The following ARID3A variants were observed in gnomAD, a reference collection of about 807,000 sequenced individuals.
The protein encoded by ARID3A is AT-rich interactive domain-containing protein 3A.
ARID3A carries 11 observed loss-of-function variants against 52.7 expected under a neutral mutation model. The ratio of observed to expected loss-of-function variants is 0.21; its 90% confidence interval spans 0.13 to 0.35. The LOEUF (loss-of-function observed/expected upper bound fraction) is 0.35, where lower values mean the gene tolerates loss of function less well. Ranked by LOEUF, ARID3A falls within the 10% of genes least tolerant of loss-of-function variation. The pLI, the probability that ARID3A is intolerant of heterozygous loss-of-function variation, is 1.00. For missense variants in ARID3A, 721 were observed against 838.5 expected (o/e 0.86, Z 1.73); for synonymous variants, 404 against 359.4 (o/e 1.12, Z -1.40).
chr19:951,254 G>T (rs968608449), intron 3 of ARID3A, among the ~76,000 whole-genome samples: 2 of 148,632 alleles, frequency 1.3e-5, no homozygotes, highest in Non-Finnish European at 3.0e-5. Flanking sequence ...ACCACACCCA[G>T]CCTTTTATAA....
intron 2 of ARID3A, among the ~76,000 whole-genome samples, chr19:931,824 A>C (rs1277385374): frequency 3.2e-5 from 4 of 123,566 alleles, no homozygotes; most frequent in East Asian, 3.8e-4. Context: ...AAAAAAAGAC[A>C]AAAAAAAAAA....
At chr19:956,287 T>C (rs1268976308) in intron 3 of ARID3A, among the ~76,000 whole-genome samples, 1 of 152,082 alleles carries the variant, frequency 6.6e-6, no homozygotes, top group East Asian at 1.9e-4. Context: ...CCTGCCCGGC[T>C]CACTTTTGCA....
At chr19:968,230 G>A (rs2038201890) in intron 7 of ARID3A, among the ~76,000 whole-genome samples, 175 bp from the exon 8 acceptor site, 1 of 151,382 alleles carries the variant, frequency 6.6e-6, no homozygotes, top group African/African-American at 2.4e-5. Context: ...CGTGGTGGCG[G>A]GCGCCTGTAG....
At position 960,261 on chromosome 19, in the gene ARID3A, C is replaced by T. The variant is rs1188252527; in HGVS notation, c.766+97C>T. The T allele has an allele frequency of 3.4e-6, 4 of 1,182,436 alleles. No homozygotes were observed. In the Admixed American group the frequency reaches 7.4e-5, roughly 22 times the overall value. The allele number at this position is 1,182,436 out of a possible 1,614,324, so 73.2% of individuals were successfully genotyped here. ...CCAGGTATGTCGGGGCGGTGGTGAG[C>T]ACCCCGTGGCTGGAGGCATCCAAGG... On this transcript the variant is annotated intron_variant, in intron 4 of 8. Transcript: ENST00000263620. This position sits in a 1 kb window ranked among gnomAD's most constrained non-coding sequence, Gnocchi z 4.3.
chr19:964,229 C>A lies in ARID3A; in HGVS notation c.767-19C>A, dbSNP rs2038100684. 4 of 1,600,842 alleles carry A rather than the reference C, an allele frequency of 2.5e-6. No individual in the cohort carries two copies. Among genetic ancestry groups the A allele is most frequent in the Non-Finnish European group, 3.4e-6 (4 of 1,171,178 alleles). On this transcript the variant is annotated intron_variant, in intron 4 of 8. Transcript: ENST00000263620. The surrounding 1 kb of genome is among the most constrained non-coding windows in gnomAD (Gnocchi z 5.7). The stretch of plus-strand genomic sequence containing the variant: ...AGTGCCCAGGTGGCCCCCAACCTCC[C>A]TCTCGCCCCTTCCCCCAGGGACACC...
At chr19:935,603 G>A (rs914967829) in intron 3 of ARID3A, among the ~76,000 whole-genome samples, 1 of 152,122 alleles carries the variant, frequency 6.6e-6, no homozygotes, top group Non-Finnish European at 1.5e-5. Flanking sequence ...TCAGCCTCCT[G>A]AGTAGCTGCG....
chr19:930,370 G>A (rs2037294957), intron 2 of ARID3A, among the ~76,000 whole-genome samples: 1 of 150,030 alleles, frequency 6.7e-6, no homozygotes, highest in Admixed American at 6.7e-5. Context: ...CGGCCAACAT[G>A]GCGAAACCCC....
At chr19:926,930 C>A (rs1044121079) in intron 1 of ARID3A, among the ~76,000 whole-genome samples, 2 of 152,002 alleles carry the variant, frequency 1.3e-5, no homozygotes, top group Admixed American at 1.3e-4. Flanking sequence ...CTTTGAAATC[C>A]GGACCAGGGT....
Position 964,934 on chromosome 19 carries a change from G to A in ARID3A, c.1052G>A (p.Arg351His), listed in dbSNP as rs758046272. The A allele has an allele frequency of 1.1e-5, 17 of 1,613,798 alleles. No individual in the cohort carries two copies. In the African/African-American group the frequency reaches 1.2e-4, roughly 11 times the overall value. ...GACAGCAACCGACGGGAGGGCCGGC[G>A]CCAGAGCTTTGGTGGCTCCCTCTTT... Reference protein sequence around the residue: ...AIDSNRREGRRQSFGGSLFAY... With the variant: ...AIDSNRREGRHQSFGGSLFAY... Residue 351 changes from arginine (R) to histidine (H), a missense_variant, in exon 6 of 9, where the codon CGC (arginine) becomes CAC (histidine). Coordinates refer to ENST00000263620, the MANE Select transcript of ARID3A (RefSeq NM_005224.3). The surrounding 1 kb of genome is among the most constrained non-coding windows in gnomAD (Gnocchi z 5.7).
intron 3 of ARID3A, among the ~76,000 whole-genome samples, chr19:933,670 A>AG (rs1308085640): frequency 6.6e-6 from 1 of 151,980 alleles, no homozygotes; most frequent in Admixed American, 6.5e-5. Flanking sequence ...ACAGACACCC[A>AG]GGGGGGCCTC....
chr19:943,380 C>G (rs1040988590), intron 3 of ARID3A, among the ~76,000 whole-genome samples: 3 of 151,584 alleles, frequency 2.0e-5, no homozygotes, highest in Admixed American at 1.3e-4. Flanking sequence ...ACCAGCCTGA[C>G]CAACATGGTG....
Position 974,693 on chromosome 19 carries a change from G to T in ARID3A, c.*2628G>T, listed in dbSNP as rs985376624. ...GCACCTGCCCACCTCGGAGCCTGGG[G>T]AGGGGCCGTGCAGGGTCGAGGGCTG... On this transcript the variant is annotated 3_prime_UTR_variant, in exon 9 of 9. Transcript: ENST00000263620. 13 of 231,620 alleles carry T rather than the reference G, an allele frequency of 5.6e-5. No individual in the cohort carries two copies. The Admixed American group carries it at 6.8e-4, about 12-fold the overall frequency. 14.3% of individuals were successfully genotyped at this position (231,620 alleles called of 1,614,324 possible). A position where few individuals can be genotyped will look rare whatever the true frequency, so the allele number is the denominator to read the frequency against.
rs748970126 is a variant in ARID3A, at chr19:964,446, G to C, written c.950+15G>C. The C allele has an allele frequency of 6.4e-7, 1 of 1,570,606 alleles. No individual in the cohort carries two copies. The highest frequency in any genetic ancestry group is 1.2e-5 in the South Asian group (1 of 86,600). On this transcript the variant is annotated intron_variant, in intron 5 of 8. Transcript: ENST00000263620. The surrounding 1 kb of genome is among the most constrained non-coding windows in gnomAD (Gnocchi z 5.7). ...CTGCGGACCCAGTGAGTGGCGGACGGTTGTGCCGAGGTCGGGCCAGGGCAC... is the reference window on the plus strand; with the variant it reads ...CTGCGGACCCAGTGAGTGGCGGACGCTTGTGCCGAGGTCGGGCCAGGGCAC...
chr19:937,362 C>T (rs2037458292), intron 3 of ARID3A, among the ~76,000 whole-genome samples: 1 of 152,204 alleles, frequency 6.6e-6, no homozygotes, highest in South Asian at 2.1e-4. Context: ...GGTGCATCAG[C>T]ACCGTGGCCT....
rs560883193 is a variant in ARID3A at position 948,956 on chromosome 19, G to A, written c.694-11136G>A. On this transcript the variant is annotated intron_variant, in intron 3 of 8. Transcript: ENST00000263620. ...ACTCCTGACCTCAGGTGATCCGCCC[G>A]CCTCGGCCTCCCAAAGTACTGGGAT... 5.3e-5 allele frequency among the ~76,000 whole-genome samples: 8 copies of A among 152,144 alleles called. No homozygotes were observed. In the South Asian group the frequency reaches 1.2e-3, roughly 24 times the overall value.
rs1299981263 is a variant in ARID3A at position 975,229 on chromosome 19, G to A, written c.*3164G>A. ...ACTTGGGACCGTGGGGCCTGGCTGC[G>A]TACTGAGTGGGTGCCCCACAGTCAA... On this transcript the variant is annotated 3_prime_UTR_variant, in exon 9 of 9. Coordinates refer to ENST00000263620, the MANE Select transcript of ARID3A (RefSeq NM_005224.3). 1.3e-5 allele frequency: 3 copies of A among 231,424 alleles called. No individual in the cohort carries two copies. The highest frequency in any genetic ancestry group is 1.8e-4 in the South Asian group (1 of 5,520). The allele number at this position is 231,424 out of a possible 1,614,324, so 14.3% of individuals were successfully genotyped here. A position where few individuals can be genotyped will look rare whatever the true frequency, so the allele number is the denominator to read the frequency against.
In ARID3A at chr19:959,964, G is replaced by A. The variant is rs2038004446; in HGVS notation, c.694-128G>A. On this transcript the variant is annotated intron_variant, in intron 3 of 8. Coordinates refer to ENST00000263620, the MANE Select transcript of ARID3A (RefSeq NM_005224.3). This position sits in a 1 kb window ranked among gnomAD's most constrained non-coding sequence, Gnocchi z 5.0. ...CAGCGGGGTCTTCGGCTCTGGCAGC[G>A]GCTTGAGGGTCCTAGGGGTGGTGAC... The A allele has an allele frequency of 1.1e-5, 7 of 650,068 alleles. No individual in the cohort carries two copies. The highest frequency in any genetic ancestry group is 8.2e-5 in the South Asian group (3 of 36,490). The allele number at this position is 650,068 out of a possible 1,614,324, so 40.3% of individuals were successfully genotyped here.
intron 7 of ARID3A, among the ~76,000 whole-genome samples, 194 bp from the exon 8 acceptor site, chr19:968,211 T>A (rs2038201309): frequency 6.6e-6 from 1 of 151,400 alleles, no homozygotes; most frequent in Non-Finnish European, 1.5e-5. Flanking sequence ...ATACAAAAAA[T>A]TAGCCAGGCG....
chr19:969,429 C>T (rs530912406), intron 8 of ARID3A, among the ~76,000 whole-genome samples: 7 of 151,062 alleles, frequency 4.6e-5, no homozygotes, highest in African/African-American at 1.7e-4. Flanking sequence ...CCCAGCTACT[C>T]GGGAGGCTGA....
Sources: gnomAD v4.1 joint callset for allele counts (sites outside exome capture counted in the v4.1 genomes callset) on GRCh38, gnomAD v4.1.1 for gene constraint, Gnocchi (gnomAD v3.1) non-coding constraint, MANE v1.5 for transcripts, NCBI Gene and HGNC (gene_info 2026-07-23, HGNC 2026-07-21) for gene names.